Variants in CPNE8 observed in about 807,000 individuals in gnomAD.
CPNE8 encodes copine 8.
Under a neutral mutation model 81.5 loss-of-function variants are expected in CPNE8, and 45 were observed. That is an observed-to-expected ratio of 0.55 (90% CI 0.44 to 0.71). The LOEUF is 0.71. Ranked by LOEUF, CPNE8 falls within the 30% of genes least tolerant of loss-of-function variation. The pLI, the probability that CPNE8 is intolerant of heterozygous loss-of-function variation, is 0.00. For missense variants in CPNE8, 594 were observed against 672.1 expected (o/e 0.88, Z 1.28); for synonymous variants, 252 against 226.3 (o/e 1.11, Z -1.02).
At chr12:38,895,919 C>G (rs756462125) in intron 1 of CPNE8, among the ~76,000 whole-genome samples, 1 of 152,102 alleles carries the variant, frequency 6.6e-6, no homozygotes, top group African/African-American at 2.4e-5. Context: ...TTACTAGATA[C>G]GTGACTTAAA....
At chr12:38,885,930 C>T (rs943744377) in intron 1 of CPNE8, among the ~76,000 whole-genome samples, 4 of 152,110 alleles carry the variant, frequency 2.6e-5, no homozygotes, top group Admixed American at 2.6e-4. Flanking sequence ...CTTGTGCCTT[C>T]CACCATGATT....
chr12:38,846,886 G>A (rs1243055257), intron 4 of CPNE8, among the ~76,000 whole-genome samples: 2 of 152,060 alleles, frequency 1.3e-5, no homozygotes, highest in African/African-American at 4.8e-5. Context: ...ATCAGTAAGT[G>A]TTTGGTTAAA....
At chr12:38,767,968 T>C (rs536570203) in intron 7 of CPNE8, among the ~76,000 whole-genome samples, 1 of 152,174 alleles carries the variant, frequency 6.6e-6, no homozygotes, top group African/African-American at 2.4e-5. Flanking sequence ...CAAAAACTTT[T>C]AACATTTTTC....
intron 6 of CPNE8, among the ~76,000 whole-genome samples, chr12:38,825,838 T>C (rs576054750): frequency 6.6e-6 from 1 of 152,348 alleles, no homozygotes; most frequent in Admixed American, 6.5e-5. Flanking sequence ...AGCACGTCAC[T>C]AGGTGCCTTA....
At chr12:38,898,500 C>A (rs766973317) in intron 1 of CPNE8, among the ~76,000 whole-genome samples, 1 of 152,152 alleles carries the variant, frequency 6.6e-6, no homozygotes, top group Non-Finnish European at 1.5e-5. Flanking sequence ...TAGGATGTTA[C>A]GGTCTACAAC....
intron 6 of CPNE8, among the ~76,000 whole-genome samples, chr12:38,797,398 C>G (rs1025721983): frequency 1.3e-5 from 2 of 152,128 alleles, no homozygotes; most frequent in South Asian, 2.1e-4. Context: ...CACGAAAATC[C>G]GCTCTTCTGC....
At chr12:38,774,288 T>G (rs1405841232) in intron 7 of CPNE8, among the ~76,000 whole-genome samples, 3 of 152,168 alleles carry the variant, frequency 2.0e-5, no homozygotes, top group Non-Finnish European at 2.9e-5. Flanking sequence ...CTCAAGATTT[T>G]GACAAAATAG....
chr12:38,657,006 A>G (rs1237146365), intron 19 of CPNE8, among the ~76,000 whole-genome samples: 1 of 152,132 alleles, frequency 6.6e-6, no homozygotes, highest in Non-Finnish European at 1.5e-5. Flanking sequence ...AGGTACCTGG[A>G]TCATCTCACT....
intron 11 of CPNE8, among the ~76,000 whole-genome samples, chr12:38,730,029 A>G (rs941442206): frequency 6.6e-6 from 1 of 152,010 alleles, no homozygotes; most frequent in African/African-American, 2.4e-5. Context: ...GAAGCTTAAG[A>G]AACAATAAAC....
intron 10 of CPNE8, among the ~76,000 whole-genome samples, chr12:38,754,603 AATTG>A (rs1356268539): frequency 6.6e-6 from 1 of 151,730 alleles, no homozygotes; most frequent in Non-Finnish European, 1.5e-5. Flanking sequence ...AGAAGTTAAA[AATTG>A]ATTACCACTT....
intron 6 of CPNE8, among the ~76,000 whole-genome samples, chr12:38,790,735 C>T (rs913103046): frequency 4.6e-5 from 7 of 151,376 alleles, no homozygotes; most frequent in Non-Finnish European, 1.0e-4. Context: ...CCACTATGTA[C>T]CCACAAAAAT....
At chr12:38,711,200 A>G (rs966132708) in intron 13 of CPNE8, among the ~76,000 whole-genome samples, 3 of 152,200 alleles carry the variant, frequency 2.0e-5, no homozygotes, top group Non-Finnish European at 4.4e-5. Flanking sequence ...TTGCTGTTGC[A>G]TCACTCAGTT....
Position 38,762,228 on chromosome 12 carries a change from G to T in CPNE8, c.576-12C>A, listed in dbSNP as rs1192056807. ...GACAAATTGTAAAACTATAAAGAAA[G>T]AGTTTTCAGTTATTTGCATGCTTTG... On this transcript the variant is annotated splice_polypyrimidine_tract_variant and intron_variant, in intron 8 of 19. Transcript: ENST00000331366. 3 of 1,446,454 alleles carry T rather than the reference G, an allele frequency of 2.1e-6. No individual in the cohort carries two copies. The highest frequency in any genetic ancestry group is 2.4e-5 in the South Asian group (2 of 82,146). 89.6% of individuals were successfully genotyped at this position (1,446,454 alleles called of 1,614,324 possible). A position where few individuals can be genotyped will look rare whatever the true frequency, so the allele number is the denominator to read the frequency against.
At chr12:38,823,673 G>T (rs924102684) in intron 6 of CPNE8, among the ~76,000 whole-genome samples, 4 of 152,076 alleles carry the variant, frequency 2.6e-5, no homozygotes, top group Non-Finnish European at 5.9e-5. Flanking sequence ...ACTCATGCCT[G>T]GCTGAGAGTA....
At chr12:38,771,452 T>A (rs1470148567) in intron 7 of CPNE8, among the ~76,000 whole-genome samples, 1 of 151,824 alleles carries the variant, frequency 6.6e-6, no homozygotes, top group Non-Finnish European at 1.5e-5. Context: ...GGCAATAGAG[T>A]GAGACCCCGT....
chr12:38,858,230 G>C (rs543576462), intron 3 of CPNE8, among the ~76,000 whole-genome samples: 1 of 152,194 alleles, frequency 6.6e-6, no homozygotes, highest in Admixed American at 6.5e-5. Context: ...CAGGAAGTTT[G>C]TTTTTCCTCC....
chr12:38,831,552 G>A (rs1241457938), intron 5 of CPNE8, among the ~76,000 whole-genome samples: 2 of 152,100 alleles, frequency 1.3e-5, no homozygotes, highest in African/African-American at 4.8e-5. Context: ...TCTGATACTT[G>A]GATACTGCCG....
intron 6 of CPNE8, among the ~76,000 whole-genome samples, chr12:38,780,503 T>A (rs938637024): frequency 6.6e-6 from 1 of 151,956 alleles, no homozygotes; most frequent in African/African-American, 2.4e-5. Flanking sequence ...GCTCAGTGAA[T>A]CCCAAGCAGC....
chr12:38,828,903 GGAATA>G (rs1485588042), intron 6 of CPNE8, among the ~76,000 whole-genome samples: 21 of 152,156 alleles, frequency 1.4e-4, no homozygotes, highest in African/African-American at 5.1e-4. Flanking sequence ...AGGTGAAGAT[GGAATA>G]GACCATTCTT....
Sources: allele counts gnomAD v4.1 joint callset (sites outside exome capture counted in the v4.1 genomes callset), GRCh38; gene constraint gnomAD v4.1.1; transcripts MANE v1.5; gene names NCBI Gene and HGNC (gene_info 2026-07-23, HGNC 2026-07-21).